The following RBFOX1 variants were observed in gnomAD, a reference collection of about 807,000 sequenced individuals.
RBFOX1 encodes the protein RNA binding fox-1 homolog 1.
In RBFOX1, 8 loss-of-function variants were observed where a neutral mutation model predicts 57.7. That is an observed-to-expected ratio of 0.14 (90% CI 0.08 to 0.25). RBFOX1 has a LOEUF of 0.25. RBFOX1 is among the 10% of genes least tolerant of loss of function. The pLI is 1.00. For synonymous variants in RBFOX1, 326 were observed against 222.4 expected, an observed-to-expected ratio of 1.47 and a Z score of -4.15; for missense variants, 611 against 548.5, an observed-to-expected ratio of 1.11 and a Z score of -1.14.
At chr16:5,720,116 A>G (rs1596953149) in intron 3 of RBFOX1, among the ~76,000 whole-genome samples, 1 of 152,128 alleles carries the variant, frequency 6.6e-6, no homozygotes, top group Admixed American at 6.5e-5. Context: ...TGGCCATCTT[A>G]GTGAGTGTGA....
intron 4 of RBFOX1, among the ~76,000 whole-genome samples, chr16:5,893,673 G>A (rs1235730269): frequency 6.6e-6 from 1 of 152,088 alleles, no homozygotes; most frequent in African/African-American, 2.4e-5. Flanking sequence ...GGGCGTGGTG[G>A]TGGTTGCTTG....
chr16:6,672,203 C>A (rs1415463300), intron 3 of RBFOX1, among the ~76,000 whole-genome samples: 1 of 152,106 alleles, frequency 6.6e-6, no homozygotes, highest in Non-Finnish European at 1.5e-5. Context: ...TTTGGAAATA[C>A]AAAGGTCATT....
intron 4 of RBFOX1, among the ~76,000 whole-genome samples, chr16:6,013,182 C>G (rs570228747): frequency 1.3e-5 from 2 of 152,086 alleles, no homozygotes; most frequent in Non-Finnish European, 2.9e-5. Context: ...GCAGGCTGTC[C>G]TACTCATGAG....
intron 3 of RBFOX1, among the ~76,000 whole-genome samples, chr16:7,040,886 GT>G (rs934535676): frequency 1.8e-4 from 27 of 147,128 alleles, no homozygotes; most frequent in Middle Eastern, 3.4e-3. Context: ...TGTAAATAAA[GT>G]TTTTTTTTTG....
At chr16:5,411,756 C>T (rs982783684) in intron 1 of RBFOX1, among the ~76,000 whole-genome samples, 6 of 151,904 alleles carry the variant, frequency 3.9e-5, no homozygotes, top group Non-Finnish European at 7.4e-5. Context: ...ATTAGTCAGG[C>T]ATGGTGGTCT....
At chr16:6,759,499 G>C (rs1159081123) in intron 3 of RBFOX1, among the ~76,000 whole-genome samples, 10 of 150,002 alleles carry the variant, frequency 6.7e-5, no homozygotes, top group African/African-American at 2.0e-4. Context: ...GTGTGTGTGT[G>C]TGTGTGTGTG....
intron 2 of RBFOX1, among the ~76,000 whole-genome samples, chr16:6,468,229 G>T (rs1360078085): frequency 6.6e-6 from 1 of 152,092 alleles, no homozygotes; most frequent in Non-Finnish European, 1.5e-5. Context: ...ATGTCTCTTT[G>T]TTATGAAGGG....
chr16:7,661,250 A>C (rs1022501853), intron 12 of RBFOX1, among the ~76,000 whole-genome samples: 1 of 152,164 alleles, frequency 6.6e-6, no homozygotes, highest in South Asian at 2.1e-4. Context: ...TCTCCAATAC[A>C]TGTGCACTTT....
chr16:5,471,703 G>A (rs368388517), intron 2 of RBFOX1, among the ~76,000 whole-genome samples: 1 of 152,204 alleles, frequency 6.6e-6, no homozygotes, highest in South Asian at 2.1e-4. Flanking sequence ...GACCTCGGGA[G>A]TATTTACACC....
intron 3 of RBFOX1, among the ~76,000 whole-genome samples, chr16:6,823,288 G>C (rs72766758): frequency 0.067 from 10,018 of 149,078 alleles, 492 homozygotes; most frequent in Non-Finnish European, 0.11. Flanking sequence ...AAAGAGTCTT[G>C]CTCTGTCACC....
rs552608357 is a variant in RBFOX1, at chr16:6,513,026, T to C, written c.-63-141577T>C. Among the ~76,000 whole-genome samples the C allele has an allele frequency of 3.3e-5, 5 of 152,324 alleles. 1 individual carries two copies. In the South Asian group the frequency reaches 1.0e-3, roughly 32 times the overall value. ...CTTCTCATCGATGTCTCCTTCCCAC[T>C]GTGAAAATACAAAATAGCACATCAA... On this transcript the variant is annotated intron_variant, in intron 2 of 15. Coordinates refer to ENST00000550418, the MANE Select transcript of RBFOX1 (RefSeq NM_018723.4).
chr16:5,492,908 T>A (rs2042881248), intron 2 of RBFOX1, among the ~76,000 whole-genome samples: 1 of 152,252 alleles, frequency 6.6e-6, no homozygotes, highest in Admixed American at 6.5e-5. Context: ...GTTCTTCGTA[T>A]TCGTTGTGGA....
chr16:6,820,819 T>C (rs2091161919), intron 3 of RBFOX1, among the ~76,000 whole-genome samples: 1 of 152,200 alleles, frequency 6.6e-6, no homozygotes, highest in South Asian at 2.1e-4. Flanking sequence ...AAATGGACCA[T>C]TGGTACTTCC....
chr16:5,972,162 T>G (rs735917), intron 4 of RBFOX1, among the ~76,000 whole-genome samples: 2 of 152,088 alleles, frequency 1.3e-5, no homozygotes. Flanking sequence ...TCCATAATTG[T>G]GTGAGCCAAT....
chr16:7,123,183 C>G (rs377035282), intron 4 of RBFOX1, among the ~76,000 whole-genome samples: 1 of 151,988 alleles, frequency 6.6e-6, no homozygotes, highest in Non-Finnish European at 1.5e-5. Flanking sequence ...TCCAAACTTT[C>G]AAATTTATGG....
intron 4 of RBFOX1, among the ~76,000 whole-genome samples, chr16:5,895,445 CTG>C (rs1180614511): frequency 3.3e-5 from 5 of 152,192 alleles, no homozygotes; most frequent in African/African-American, 1.2e-4. Flanking sequence ...ATGCCAACCT[CTG>C]TGTCACTGAC....
chr16:7,459,390 C>T (rs530740066), intron 4 of RBFOX1, among the ~76,000 whole-genome samples: 19 of 152,220 alleles, frequency 1.2e-4, no homozygotes, highest in African/African-American at 4.1e-4. Context: ...TGTTTGGTTC[C>T]GTGCCTTCCT....
intron 4 of RBFOX1, among the ~76,000 whole-genome samples, chr16:7,234,317 G>A (rs2093657958): frequency 6.6e-6 from 1 of 152,090 alleles, no homozygotes; most frequent in African/African-American, 2.4e-5. Context: ...GTGGGTTGGT[G>A]TTGTGTATAA....
chr16:6,991,273 C>T (rs887103095), intron 3 of RBFOX1, among the ~76,000 whole-genome samples: 1 of 152,138 alleles, frequency 6.6e-6, no homozygotes, highest in South Asian at 2.1e-4. Flanking sequence ...TCACTCCAGC[C>T]TGGGCAGTAG....
Sources: allele counts gnomAD v4.1 joint callset (sites outside exome capture counted in the v4.1 genomes callset), GRCh38; gene constraint gnomAD v4.1.1; transcripts MANE v1.5; gene names NCBI Gene and HGNC (gene_info 2026-07-23, HGNC 2026-07-21).